DOCK4: variants seen among roughly 807,000 people sequenced by gnomAD.
DOCK4 encodes the protein dedicator of cytokinesis protein 4.
A neutral mutation model predicts 268.1 loss-of-function variants in DOCK4; 97 were observed. The ratio of observed to expected loss-of-function variants is 0.36; its 90% CI spans 0.31 to 0.43. The LOEUF is 0.43. Among genes scored for constraint, DOCK4 ranks in the 20% least tolerant of loss-of-function variants. The probability of loss-of-function intolerance (pLI) is 1.00; values close to 1 mark genes in which losing one functional copy is unlikely to be tolerated. For synonymous variants in DOCK4, 954 were observed against 887.2 expected (o/e 1.08, Z -1.34); for missense variants, 2,145 against 2,455.7 (o/e 0.87, Z 2.67).
chr7:111,994,241 TAA>T lies in DOCK4; in HGVS notation c.219-12_219-11del, dbSNP rs769993500. 1.3e-6 allele frequency: 2 copies of T among 1,541,314 alleles called. No homozygotes were observed. Among genetic ancestry groups the T allele is most frequent in the Non-Finnish European group, 1.8e-6 (2 of 1,131,198 alleles). On this transcript the variant is annotated splice_polypyrimidine_tract_variant and intron_variant, in intron 4 of 52. Coordinates refer to ENST00000428084, the MANE Select transcript of DOCK4 (RefSeq NM_001363540.2). ...AACCATTTCAAATTGTCTGTGAAAT[TAA>T]AAAAGAAAAAGTATATATGTAAATA...
chr7:112,012,103 T>C (rs1398936938), intron 1 of DOCK4, among the ~76,000 whole-genome samples: 1 of 152,210 alleles, frequency 6.6e-6, no homozygotes, highest in East Asian at 1.9e-4. Flanking sequence ...TAAGTAAATA[T>C]GAAATAATAG....
chr7:111,785,387 C>T (rs1446685936), intron 32 of DOCK4, among the ~76,000 whole-genome samples: 1 of 152,126 alleles, frequency 6.6e-6, no homozygotes, highest in Admixed American at 6.5e-5. Context: ...CAGCCTACAC[C>T]TCATACTTTA....
intron 27 of DOCK4, chr7:111,821,817 G>A (rs1213523973): frequency 6.6e-6 from 1 of 152,358 alleles, no homozygotes; most frequent in African/African-American, 2.4e-5. Context: ...GTGTTGAGCA[G>A]ATGCTTCATG....
At chr7:111,864,631 G>C (rs931266085) in intron 22 of DOCK4, among the ~76,000 whole-genome samples, 1 of 152,152 alleles carries the variant, frequency 6.6e-6, no homozygotes, top group Non-Finnish European at 1.5e-5. Context: ...ATCTGTTTTT[G>C]ATGCCAGCGC....
rs1428201467 is a variant in DOCK4, at chr7:111,739,272, C to G, written c.5123-29G>C. ...GGAAGAGAAGGAGAGAGAGGATCATCAGCATGGTAGTGGTGCTGCACCTGT... is the reference window on the plus strand; with the variant it reads ...GGAAGAGAAGGAGAGAGAGGATCATGAGCATGGTAGTGGTGCTGCACCTGT... On this transcript the variant is annotated intron_variant, in intron 48 of 52. Transcript: ENST00000428084. The G allele has an allele frequency of 2.5e-6, 4 of 1,605,116 alleles. No homozygotes were observed. The Admixed American group carries it at 6.7e-5, about 27-fold the overall frequency.
intron 23 of DOCK4, among the ~76,000 whole-genome samples, chr7:111,859,028 C>G (rs1266083446): frequency 3.3e-5 from 5 of 152,174 alleles, no homozygotes; most frequent in East Asian, 3.9e-4. Flanking sequence ...TTTGCTCCCC[C>G]CTTTTTTTGA....
chr7:112,076,196 GT>G (rs1554436820), intron 1 of DOCK4, among the ~76,000 whole-genome samples: 1 of 152,030 alleles, frequency 6.6e-6, no homozygotes, highest in Non-Finnish European at 1.5e-5. Flanking sequence ...AGTATGTTTT[GT>G]TTTTTTACTT....
chr7:111,983,862 G>GCGCGCACACACACACACACACACACACA lies in DOCK4; in HGVS notation c.549+443_549+444insTGTGTGTGTGTGTGTGTGTGTGTGCGCG. Among the ~76,000 whole-genome samples, 180 of 138,616 alleles carry GCGCGCACACACACACACACACACACACA rather than the reference G, an allele frequency of 1.3e-3. 1 individual carries two copies. The highest frequency in any genetic ancestry group is 3.9e-3 in the East Asian group (18 of 4,602). The allele number at this position is 138,616 out of a possible 152,430, so 90.9% of individuals were successfully genotyped here. ...CACACACACGCGCGCGCGCGCGCGC[G>GCGCGCACACACACACACACACACACACA]CACACACACACACACACACACACAC... On this transcript the variant is annotated intron_variant, in intron 7 of 52. Transcript: ENST00000428084.
At chr7:111,729,671 CTA>C (rs1282000796) in intron 52 of DOCK4, among the ~76,000 whole-genome samples, 1 of 152,170 alleles carries the variant, frequency 6.6e-6, no homozygotes, top group African/African-American at 2.4e-5. Context: ...TTTGGGGGCG[CTA>C]TTCACTTTCC....
chr7:111,878,617 C>T (rs867867507), intron 16 of DOCK4, among the ~76,000 whole-genome samples: 11 of 152,090 alleles, frequency 7.2e-5, no homozygotes, highest in Admixed American at 6.5e-4. Flanking sequence ...CCCCATCCCC[C>T]GGCAGTAGCT....
chr7:111,961,737 C>G (rs117141214), intron 8 of DOCK4, among the ~76,000 whole-genome samples: 2,485 of 152,254 alleles, frequency 0.016, 38 homozygotes, highest in Middle Eastern at 0.034. Context: ...AGAAAACATT[C>G]CTCTTAAGTT....
chr7:111,771,171 TTGCTCA>T (rs1042368719), intron 36 of DOCK4, among the ~76,000 whole-genome samples: 5 of 152,198 alleles, frequency 3.3e-5, no homozygotes, highest in Admixed American at 6.5e-5. Flanking sequence ...ACAGAGAAGG[TTGCTCA>T]TGATCTGGTT....
At chr7:111,874,050 C>T (rs760590537) in intron 17 of DOCK4, among the ~76,000 whole-genome samples, 1 of 152,138 alleles carries the variant, frequency 6.6e-6, no homozygotes, top group Non-Finnish European at 1.5e-5. Flanking sequence ...AGACTCAGGG[C>T]GACAAAGGCA....
chr7:111,916,853 T>C (rs1162776397), intron 12 of DOCK4, among the ~76,000 whole-genome samples: 1 of 152,098 alleles, frequency 6.6e-6, no homozygotes, highest in East Asian at 1.9e-4. Flanking sequence ...TAGGTGGTAT[T>C]TGGTTACATG....
At chr7:111,909,070 G>T (rs911653794) in intron 13 of DOCK4, among the ~76,000 whole-genome samples, 1 of 152,144 alleles carries the variant, frequency 6.6e-6, no homozygotes, top group Non-Finnish European at 1.5e-5. Context: ...TCTGGTTCTA[G>T]ATCCTTGAAG....
intron 1 of DOCK4, among the ~76,000 whole-genome samples, chr7:112,155,208 AAAAGCCATAACC>A (rs1297133633): frequency 6.6e-6 from 1 of 152,190 alleles, no homozygotes; most frequent in Non-Finnish European, 1.5e-5. Flanking sequence ...AACTACTTTT[AAAAGCCATAACC>A]AAATATATAC....
Position 111,869,602 on chromosome 7 carries a change from C to A in DOCK4, c.2081G>T (p.Arg694Leu). The A allele has an allele frequency of 6.2e-7, 1 of 1,613,468 alleles. No homozygotes were observed. Among genetic ancestry groups the A allele is most frequent in the Non-Finnish European group, 8.5e-7 (1 of 1,179,526 alleles). The change falls in exon 21 of 53, where the codon CGG becomes CTG. Residue 694 changes from arginine (R) to leucine (L), a missense_variant. Physicochemically the swap from Arg to Leu is moderately radical, Grantham distance 102 (BLOSUM62 -2). Coordinates refer to ENST00000428084, the MANE Select transcript of DOCK4 (RefSeq NM_001363540.2). The stretch of plus-strand genomic sequence containing the variant: ...CAGCACCTCCTGGATATGCTCTTGC[C>A]GCTCTGCTTCTGTGATCCGGTCCAC... The part of the protein sequence containing the change: ...WYVDRITEAE[R>L]QEHIQEVLKA...
chr7:112,180,618 C>T (rs1430986293), intron 1 of DOCK4, among the ~76,000 whole-genome samples: 1 of 152,134 alleles, frequency 6.6e-6, no homozygotes, highest in Non-Finnish European at 1.5e-5. Context: ...GAGCTGTGTC[C>T]GTGCCATGAC....
At chr7:112,197,642 C>T (rs1343230757) in intron 1 of DOCK4, among the ~76,000 whole-genome samples, 1 of 152,086 alleles carries the variant, frequency 6.6e-6, no homozygotes, top group Non-Finnish European at 1.5e-5. Flanking sequence ...ATCCTTTGTA[C>T]CCATATTAAT....
Sources: gnomAD v4.1 joint callset for allele counts (sites outside exome capture counted in the v4.1 genomes callset) on GRCh38, gnomAD v4.1.1 for gene constraint, MANE v1.5 for transcripts, NCBI Gene and HGNC (gene_info 2026-07-23, HGNC 2026-07-21) for gene names.